Variants in GNA14 observed in about 807,000 individuals in gnomAD.
The protein encoded by GNA14 is G protein subunit alpha 14.
GNA14 carries 50 observed loss-of-function variants against 42.0 expected under a neutral mutation model. The observed-to-expected ratio is 1.19, with a 90% confidence interval of 0.95 to 1.51. GNA14 has a LOEUF of 1.51. Ranked by LOEUF, GNA14 falls within the 40% of genes most tolerant of loss-of-function variation. GNA14 has a pLI of 0.00. For synonymous variants in GNA14, 173 were observed against 163.1 expected (o/e 1.06, Z -0.46); for missense variants, 473 against 446.2 (o/e 1.06, Z -0.54).
intron 1 of GNA14, among the ~76,000 whole-genome samples, chr9:77,617,529 T>A (rs912631206): frequency 3.3e-5 from 5 of 152,134 alleles, no homozygotes; most frequent in Non-Finnish European, 4.4e-5. Context: ...GGACATTCCA[T>A]AACATCTCAA....
intron 1 of GNA14, among the ~76,000 whole-genome samples, chr9:77,577,922 C>A (rs905107573): frequency 6.6e-6 from 1 of 152,124 alleles, no homozygotes; most frequent in African/African-American, 2.4e-5. Flanking sequence ...TCAGAACCCA[C>A]AGACAATAGG....
intron 1 of GNA14, among the ~76,000 whole-genome samples, chr9:77,608,351 G>A (rs1487152976): frequency 6.6e-6 from 1 of 152,122 alleles, no homozygotes; most frequent in African/African-American, 2.4e-5. Flanking sequence ...TTTGCTTCAG[G>A]ATGAATCGTA....
At chr9:77,450,392 CCTT>C (rs752167294) in intron 2 of GNA14, among the ~76,000 whole-genome samples, 30 of 152,082 alleles carry the variant, frequency 2.0e-4, no homozygotes, top group Non-Finnish European at 4.0e-4. Flanking sequence ...CTCCCTCTGA[CCTT>C]CTTAAGTGCC....
At chr9:77,547,890 A>G (rs2131779951) in intron 1 of GNA14, among the ~76,000 whole-genome samples, 1 of 152,330 alleles carries the variant, frequency 6.6e-6, no homozygotes, top group African/African-American at 2.4e-5. Flanking sequence ...GCAGTATTCA[A>G]ACATTCATTA....
intron 2 of GNA14, among the ~76,000 whole-genome samples, chr9:77,507,358 C>T (rs923493579): frequency 6.6e-6 from 1 of 152,058 alleles, no homozygotes; most frequent in African/African-American, 2.4e-5. Flanking sequence ...AAGTTATTTC[C>T]CCAACTTGAA....
intron 2 of GNA14, among the ~76,000 whole-genome samples, chr9:77,439,190 C>G (rs1835686800): frequency 6.6e-6 from 1 of 152,090 alleles, no homozygotes; most frequent in African/African-American, 2.4e-5. Flanking sequence ...GCAGCTGAGG[C>G]CCCAGAGAAC....
intron 1 of GNA14, among the ~76,000 whole-genome samples, chr9:77,638,129 C>G (rs1235113784): frequency 6.6e-6 from 1 of 152,158 alleles, no homozygotes; most frequent in African/African-American, 2.4e-5. Context: ...TATCTCATTT[C>G]AGATTGGTCA....
chr9:77,488,085 G>A (rs1232077862), intron 2 of GNA14, among the ~76,000 whole-genome samples: 1 of 152,168 alleles, frequency 6.6e-6, no homozygotes, highest in Non-Finnish European at 1.5e-5. Flanking sequence ...CAGTGTAGAA[G>A]CAAGCTGCCT....
chr9:77,432,609 G>A (rs530838577), intron 3 of GNA14, among the ~76,000 whole-genome samples: 1 of 152,262 alleles, frequency 6.6e-6, no homozygotes, highest in African/African-American at 2.4e-5. Flanking sequence ...TGGAGAAAAC[G>A]TGCAAGTGCC....
intron 1 of GNA14, among the ~76,000 whole-genome samples, chr9:77,639,706 T>C (rs1009570690): frequency 6.6e-6 from 1 of 152,266 alleles, no homozygotes; most frequent in African/African-American, 2.4e-5. Context: ...GCATTTGCTA[T>C]GTCCAGAGTC....
At chr9:77,577,748 G>A (rs1001630882) in intron 1 of GNA14, among the ~76,000 whole-genome samples, 4 of 152,156 alleles carry the variant, frequency 2.6e-5, no homozygotes, top group African/African-American at 9.7e-5. Context: ...GATGACAGAA[G>A]GAGTTGCAGG....
intron 1 of GNA14, among the ~76,000 whole-genome samples, chr9:77,560,915 T>C (rs556027460): frequency 2.6e-5 from 4 of 152,264 alleles, no homozygotes; most frequent in East Asian, 1.9e-4. Flanking sequence ...TTCAAAAGAA[T>C]AGACCCATTC....
chr9:77,623,567 G>A (rs1395450321), intron 1 of GNA14, among the ~76,000 whole-genome samples: 1 of 152,154 alleles, frequency 6.6e-6, no homozygotes, highest in African/African-American at 2.4e-5. Context: ...TCAAACTAAG[G>A]TACCTGGCTC....
Position 77,647,813 on chromosome 9 carries a change from C to G in GNA14, c.-20G>C. ...GGCCATGGTGCGCTCAGCTCAGTACCCGACGGGGCGACGCGGCCCCGGGCA... is the reference window on the plus strand; with the variant it reads ...GGCCATGGTGCGCTCAGCTCAGTACGCGACGGGGCGACGCGGCCCCGGGCA... On this transcript the variant is annotated 5_prime_UTR_variant, in exon 1 of 7. Coordinates refer to ENST00000341700, the MANE Select transcript of GNA14 (RefSeq NM_004297.4). 1 of 1,602,180 alleles carries G rather than the reference C, an allele frequency of 6.2e-7. No individual in the cohort carries two copies. The highest frequency in any genetic ancestry group is 8.5e-7 in the Non-Finnish European group (1 of 1,176,880).
intron 2 of GNA14, chr9:77,456,597 T>C (rs928290722): frequency 2.0e-5 from 3 of 151,970 alleles, no homozygotes; most frequent in Admixed American, 2.0e-4. Context: ...AAAAGCACGA[T>C]GTGACTGTTT....
chr9:77,425,600 A>G lies in GNA14; in HGVS notation c.839T>C (p.Met280Thr), dbSNP rs536957030. The change falls in exon 6 of 7, where the codon ATG becomes ACG. Residue 280 changes from methionine to threonine, a missense_variant. Met to Thr is a moderately conservative substitution (Grantham distance 81). Transcript: ENST00000341700. ...GAAATAGCTAATTAGATGAGAGTAC[A>G]TGATTTTCTCTTCCAAAAGATCCTT... ...NKKDLLEEKIMYSHLISYFPE... is the reference protein window; with the variant it reads ...NKKDLLEEKITYSHLISYFPE... The G allele has an allele frequency of 5.0e-6, 8 of 1,609,378 alleles. No homozygotes were observed. The African/African-American group carries it at 8.0e-5, about 16-fold the overall frequency.
chr9:77,525,537 G>GTTGT (rs1564042849), intron 2 of GNA14, among the ~76,000 whole-genome samples: 4 of 148,406 alleles, frequency 2.7e-5, no homozygotes, highest in Non-Finnish European at 6.0e-5. Context: ...GGGATGGTTT[G>GTTGT]TTCTTTTTTT....
At chr9:77,468,045 T>C (rs1836267168) in intron 2 of GNA14, among the ~76,000 whole-genome samples, 2 of 152,122 alleles carry the variant, frequency 1.3e-5, no homozygotes, top group Admixed American at 1.3e-4. Flanking sequence ...AACTCAGGGC[T>C]AGAGGGTATG....
intron 2 of GNA14, among the ~76,000 whole-genome samples, chr9:77,506,444 C>T (rs973791859): frequency 6.6e-6 from 1 of 152,004 alleles, no homozygotes; most frequent in Admixed American, 6.6e-5. Context: ...TTTGGGAGAC[C>T]GAGGTGGGCA....
Sources: allele counts gnomAD v4.1 joint callset (sites outside exome capture counted in the v4.1 genomes callset), GRCh38; gene constraint gnomAD v4.1.1; transcripts MANE v1.5; gene names NCBI Gene and HGNC (gene_info 2026-07-23, HGNC 2026-07-21).